The following CHN2 variants were observed in gnomAD, a reference collection of about 807,000 sequenced individuals.
CHN2 encodes the protein beta-chimaerin.
CHN2 carries 35 observed loss-of-function variants against 56.3 expected under a neutral mutation model. The ratio of observed to expected loss-of-function variants is 0.62; its 90% CI spans 0.47 to 0.82. CHN2 has a LOEUF of 0.82. Among genes scored for constraint, CHN2 ranks in the 40% least tolerant of loss-of-function variants. The pLI, the probability that CHN2 is intolerant of heterozygous loss-of-function variation, is 0.00. For synonymous variants in CHN2, 210 were observed against 212.8 expected, an observed-to-expected ratio of 0.99 and a Z score of 0.12; for missense variants, 491 against 580.5, an observed-to-expected ratio of 0.85 and a Z score of 1.58.
chr7:29,355,980 G>A (rs191251830), intron 2 of CHN2, among the ~76,000 whole-genome samples: 1 of 151,602 alleles, frequency 6.6e-6, no homozygotes, highest in African/African-American at 2.4e-5. Flanking sequence ...GATGGGTTTT[G>A]CCATGTTGCC....
chr7:29,175,853 TA>T (rs1463426440), intron 2 of CHN2, among the ~76,000 whole-genome samples: 3 of 152,112 alleles, frequency 2.0e-5, no homozygotes. Flanking sequence ...TAGGACAGAT[TA>T]GGCAATATTC....
At chr7:29,385,173 A>G (rs1394952318) in intron 3 of CHN2, among the ~76,000 whole-genome samples, 1 of 152,172 alleles carries the variant, frequency 6.6e-6, no homozygotes, top group Non-Finnish European at 1.5e-5. Context: ...AGCTACCTTT[A>G]TAAATTATCA....
chr7:29,272,120 G>A (rs1384807852), intron 1 of CHN2, among the ~76,000 whole-genome samples: 1 of 152,028 alleles, frequency 6.6e-6, no homozygotes, highest in Non-Finnish European at 1.5e-5. Context: ...GACATGGAGG[G>A]GATGCTTGAT....
rs974135697 is a variant in CHN2, at chr7:29,504,918, C to T, written c.991+97C>T. 5.0e-6 allele frequency: 4 copies of T among 802,156 alleles called. No homozygotes were observed. The African/African-American group carries it at 6.9e-5, about 14-fold the overall frequency. The allele number at this position is 802,156 out of a possible 1,614,324, so 49.7% of individuals were successfully genotyped here. A position where few individuals can be genotyped will look rare whatever the true frequency, so the allele number is the denominator to read the frequency against. Reference sequence around the variant, plus strand: ...TAGTAGAAATGGGGTTTCAGAACTACTAAGAGTTGTTCTTCAAGAAACGGA... The same window carrying T: ...TAGTAGAAATGGGGTTTCAGAACTATTAAGAGTTGTTCTTCAAGAAACGGA... On this transcript the variant is annotated intron_variant, in intron 10 of 12. Coordinates refer to ENST00000222792, the MANE Select transcript of CHN2 (RefSeq NM_004067.4).
intron 6 of CHN2, among the ~76,000 whole-genome samples, chr7:29,403,848 G>C (rs1802425784): frequency 6.6e-6 from 1 of 152,324 alleles, no homozygotes; most frequent in Admixed American, 6.5e-5. Context: ...TTATTCCATA[G>C]ATGGATTATC....
At chr7:29,318,881 C>A (rs1795142519) in intron 1 of CHN2, among the ~76,000 whole-genome samples, 1 of 152,142 alleles carries the variant, frequency 6.6e-6, no homozygotes, top group Non-Finnish European at 1.5e-5. Context: ...AATTTAATTT[C>A]CTTGTAAATT....
chr7:29,233,814 C>A (rs1418758604), intron 1 of CHN2, among the ~76,000 whole-genome samples: 2 of 145,442 alleles, frequency 1.4e-5, no homozygotes. Flanking sequence ...TGCAGCCCTG[C>A]CAACACCTTG....
intron 6 of CHN2, among the ~76,000 whole-genome samples, chr7:29,477,141 T>G (rs1287623429): frequency 6.6e-6 from 1 of 152,160 alleles, no homozygotes; most frequent in African/African-American, 2.4e-5. Context: ...CAGTTTTCCC[T>G]TAATAAGAGG....
chr7:29,282,878 A>G (rs1248975771), intron 1 of CHN2, among the ~76,000 whole-genome samples: 1 of 152,224 alleles, frequency 6.6e-6, no homozygotes, highest in Non-Finnish European at 1.5e-5. Context: ...ATCGTGAAAG[A>G]AGCAACAGAG....
At chr7:29,195,205 C>T in intron 1 of CHN2, 1 of 481,436 alleles carries the variant, frequency 2.1e-6, no homozygotes, top group Non-Finnish European at 3.6e-6. Flanking sequence ...GGTGGGAGAG[C>T]GGTGGTGCCC....
intron 1 of CHN2, among the ~76,000 whole-genome samples, chr7:29,310,202 GA>G (rs1206443400): frequency 2.6e-5 from 4 of 151,596 alleles, no homozygotes; most frequent in Admixed American, 1.3e-4. Context: ...TTCAGTAATA[GA>G]AAAAAAACTG....
chr7:29,383,107 G>A (rs76470254), intron 3 of CHN2, among the ~76,000 whole-genome samples: 2,443 of 152,314 alleles, frequency 0.016, 13 homozygotes, highest in Non-Finnish European at 0.023. Context: ...AGACTCTAGA[G>A]ATATAGCAGT....
At chr7:29,457,011 T>C (rs1784816980) in intron 6 of CHN2, among the ~76,000 whole-genome samples, 1 of 152,144 alleles carries the variant, frequency 6.6e-6, no homozygotes, top group South Asian at 2.1e-4. Flanking sequence ...TTTTCCAGAA[T>C]ATTCTGGACA....
chr7:29,237,700 A>G (rs1337353018), intron 1 of CHN2, among the ~76,000 whole-genome samples: 4 of 152,170 alleles, frequency 2.6e-5, no homozygotes, highest in Non-Finnish European at 5.9e-5. Context: ...GAGCCAGGAG[A>G]TTAGGCAATA....
At chr7:29,177,271 T>C (rs1312821861) in intron 2 of CHN2, among the ~76,000 whole-genome samples, 1 of 139,470 alleles carries the variant, frequency 7.2e-6, no homozygotes, top group African/African-American at 2.7e-5. Flanking sequence ...TGTTTTGTTT[T>C]GAGACAGAGT....
At position 29,366,242 on chromosome 7, in the gene CHN2, G is replaced by A. The variant is rs184163090; in HGVS notation, c.89-1690G>A. Reference sequence around the variant, plus strand: ...AGAGATGTGGGAGCCTTTGTGTGTAGGAGATAAATGAAGCGTTAGGGGTGG... The same window carrying A: ...AGAGATGTGGGAGCCTTTGTGTGTAAGAGATAAATGAAGCGTTAGGGGTGG... On this transcript the variant is annotated intron_variant, in intron 2 of 12. Transcript: ENST00000222792. Among the ~76,000 whole-genome samples, 20 of 152,242 alleles carry A rather than the reference G, an allele frequency of 1.3e-4. 1 individual carries two copies. The East Asian group carries it at 3.7e-3, about 28-fold the overall frequency.
At chr7:29,198,594 AT>A (rs1298114959) in intron 1 of CHN2, among the ~76,000 whole-genome samples, 1 of 152,164 alleles carries the variant, frequency 6.6e-6, no homozygotes, top group Non-Finnish European at 1.5e-5. Flanking sequence ...GGAAGCTTTG[AT>A]TACCTTTATT....
chr7:29,289,413 G>C (rs1338998577), intron 1 of CHN2, among the ~76,000 whole-genome samples: 1 of 152,150 alleles, frequency 6.6e-6, no homozygotes, highest in Non-Finnish European at 1.5e-5. Flanking sequence ...CAAGGCAACA[G>C]ATGTCTCCGA....
chr7:29,254,168 G>A (rs1345041143), intron 1 of CHN2, among the ~76,000 whole-genome samples: 3 of 152,208 alleles, frequency 2.0e-5, no homozygotes, highest in Admixed American at 6.5e-5. Context: ...CTCCCAAAGT[G>A]CTGGGATTAC....
Sources: allele counts gnomAD v4.1 joint callset (sites outside exome capture counted in the v4.1 genomes callset), GRCh38; gene constraint gnomAD v4.1.1; transcripts MANE v1.5; gene names NCBI Gene and HGNC (gene_info 2026-07-23, HGNC 2026-07-21).